The following ZNF703 variants were observed in gnomAD, a reference collection of about 807,000 sequenced individuals.
ZNF703 encodes NocA-like zinc finger 1.
A neutral mutation model predicts 30.7 loss-of-function variants in ZNF703; 18 were observed. The observed-to-expected ratio is 0.59, with a 90% CI of 0.40 to 0.87. The LOEUF (loss-of-function observed/expected upper bound fraction) is 0.87, where lower values mean the gene tolerates loss of function less well. ZNF703 is among the 40% of genes least tolerant of loss of function. The pLI, the probability that ZNF703 is intolerant of heterozygous loss-of-function variation, is 0.00. For missense variants in ZNF703, 814 were observed against 847.8 expected, an observed-to-expected ratio of 0.96 and a Z score of 0.50; for synonymous variants, 457 against 438.6, an observed-to-expected ratio of 1.04 and a Z score of -0.52.
At position 37,697,556 on chromosome 8, in the gene ZNF703, G is replaced by A; in HGVS notation, c.655G>A (p.Gly219Ser). Residue 219 changes from glycine to serine, a missense_variant, in exon 2 of 2, where the codon GGC becomes AGC. Physicochemically the swap from Gly to Ser is moderately conservative, Grantham distance 56. Coordinates refer to ENST00000331569, the MANE Select transcript of ZNF703 (RefSeq NM_025069.3). ...VSASSSSSSPGGSRGGSPHHS... is the reference protein window; with the variant it reads ...VSASSSSSSPSGSRGGSPHHS... Reference sequence around the variant, plus strand: ...CGCATCCTCGTCCTCGTCGTCGCCCGGCGGCTCCCGCGGCGGCTCCCCGCA... The same window carrying A: ...CGCATCCTCGTCCTCGTCGTCGCCCAGCGGCTCCCGCGGCGGCTCCCCGCA... 6.8e-7 allele frequency: 1 copy of A among 1,463,742 alleles called. No homozygotes were observed. The highest frequency in any genetic ancestry group is 9.0e-7 in the Non-Finnish European group (1 of 1,114,306). The allele number at this position is 1,463,742 out of a possible 1,614,324, so 90.7% of individuals were successfully genotyped here.
At position 37,696,936 on chromosome 8, in the gene ZNF703, G is replaced by T. The variant is rs1802076544; in HGVS notation, c.244-209G>T. Among the ~76,000 whole-genome samples the T allele has an allele frequency of 6.6e-6, 1 of 152,128 alleles. No homozygotes were observed. ...CAGGGGTCCTGGGTGAACTCCTTCCGCAGGGCCTGCGGCGCACCCCGGGAC... is the reference window on the plus strand; with the variant it reads ...CAGGGGTCCTGGGTGAACTCCTTCCTCAGGGCCTGCGGCGCACCCCGGGAC... On this transcript the variant is annotated intron_variant, in intron 1 of 1. Coordinates refer to ENST00000331569, the MANE Select transcript of ZNF703 (RefSeq NM_025069.3). This position sits in a 1 kb window ranked among gnomAD's most constrained non-coding sequence, Gnocchi z 8.2.
Position 37,696,042 on chromosome 8 carries a change from C to T in ZNF703, c.63C>T (p.Gly21=). 1 of 1,553,036 alleles carries T rather than the reference C, an allele frequency of 6.4e-7. No homozygotes were observed. The highest frequency in any genetic ancestry group is 2.4e-5 in the East Asian group (1 of 40,902). Residue 21 remains glycine, a synonymous_variant, in exon 1 of 2, where the codon GGC becomes GGT. Transcript: ENST00000331569. The surrounding 1 kb of genome is among the most constrained non-coding windows in gnomAD (Gnocchi z 8.2). ...CCGAAAGCAGCGGCAGCGGCAGCGG[C>T]GGCGGCGGGAAGAGGCCGGCGGTGC... The part of the protein sequence containing the change: ...RTPESSGSGS[G]GGGKRPAVPA...
Position 37,698,415 on chromosome 8 carries a change from GCGCCGCCGCCGCCGCCGC to G in ZNF703, c.1525_1542del (p.Ala509_Ala514del). 1.3e-6 allele frequency: 2 copies of G among 1,483,726 alleles called. No individual in the cohort carries two copies. The highest frequency in any genetic ancestry group is 8.9e-7 in the Non-Finnish European group (1 of 1,119,796). 91.9% of individuals were successfully genotyped at this position (1,483,726 alleles called of 1,614,324 possible). ...TACCCCGGGGCCTCGGGCCTGGGCA[GCGCCGCCGCCGCCGCCGC>G]CGCCGCCGCCTCCTGCCATCTGCAC... On this transcript the variant is annotated inframe_deletion, in exon 2 of 2. Transcript: ENST00000331569.
In ZNF703 at chr8:37,698,119, G is replaced by C; in HGVS notation, c.1218G>C (p.Gly406=). 1 of 1,482,272 alleles carries C rather than the reference G, an allele frequency of 6.7e-7. No homozygotes were observed. The highest frequency in any genetic ancestry group is 9.1e-7 in the Non-Finnish European group (1 of 1,103,656). 91.8% of individuals were successfully genotyped at this position (1,482,272 alleles called of 1,614,324 possible). A position where few individuals can be genotyped will look rare whatever the true frequency, so the allele number is the denominator to read the frequency against. ...CSTCSAHDPA[G]PSLKAGGYPL... ...CCTGCAGCGCGCACGACCCTGCCGG[G>C]CCCAGCCTGAAGGCGGGGGGCTACC... The change falls in exon 2 of 2, where the codon GGG becomes GGC. Residue 406 remains glycine, a synonymous_variant. Coordinates refer to ENST00000331569, the MANE Select transcript of ZNF703 (RefSeq NM_025069.3).
rs1802113085 is a variant in ZNF703, at chr8:37,698,416, C to T, written c.1515C>T (p.Ser505=). The change falls in exon 2 of 2, where the codon AGC becomes AGT. Residue 505 remains serine, a synonymous_variant. Transcript: ENST00000331569. ...ACCCCGGGGCCTCGGGCCTGGGCAG[C>T]GCCGCCGCCGCCGCCGCCGCCGCCG... The part of the protein sequence containing the change: ...AAYPGASGLG[S]AAAAAAAAAS... 7 of 1,432,394 alleles carry T rather than the reference C, an allele frequency of 4.9e-6. No individual in the cohort carries two copies. The South Asian group carries it at 8.9e-5, about 18-fold the overall frequency. The allele number at this position is 1,432,394 out of a possible 1,614,324, so 88.7% of individuals were successfully genotyped here.
chr8:37,695,801 G>C lies in ZNF703; in HGVS notation c.-179G>C, dbSNP rs1365423756. On this transcript the variant is annotated 5_prime_UTR_variant, in exon 1 of 2. Coordinates refer to ENST00000331569, the MANE Select transcript of ZNF703 (RefSeq NM_025069.3). ...GGCGAAGGTTTTTGTGTTGCTAGCC[G>C]GGGCCAGCGGCGGTGGCGGCGGCGG... The C allele has an allele frequency of 2.5e-5, 13 of 522,816 alleles. No homozygotes were observed. Among genetic ancestry groups the C allele is most frequent in the South Asian group, 3.4e-5 (1 of 29,324 alleles). The allele number at this position is 522,816 out of a possible 1,614,324, so 32.4% of individuals were successfully genotyped here. A position where few individuals can be genotyped will look rare whatever the true frequency, so the allele number is the denominator to read the frequency against.
chr8:37,698,094 C>A lies in ZNF703; in HGVS notation c.1193C>A (p.Thr398Asn), dbSNP rs780729368. Residue 398 changes from threonine to asparagine, a missense_variant, in exon 2 of 2, where the codon ACC becomes AAC. Transcript: ENST00000331569. ...ASHLGGSSCS[T>N]CSAHDPAGPS... ...CACCTCGGCGGCTCCAGCTGCTCCA[C>A]CTGCAGCGCGCACGACCCTGCCGGG... The A allele has an allele frequency of 2.0e-6, 3 of 1,537,458 alleles. No individual in the cohort carries two copies. The South Asian group carries it at 3.6e-5, about 18-fold the overall frequency.
rs1005907454 is a variant in ZNF703, at chr8:37,695,834, G to C, written c.-146G>C. On this transcript the variant is annotated 5_prime_UTR_variant, in exon 1 of 2. Coordinates refer to ENST00000331569, the MANE Select transcript of ZNF703 (RefSeq NM_025069.3). ...CGGCGGTGGCGGCGGCGGCGGAGGC[G>C]TCGGTGGAGGAGGGGAGGCGGCGAG... The C allele has an allele frequency of 1.5e-6, 1 of 678,608 alleles. No homozygotes were observed. Among genetic ancestry groups the C allele is most frequent in the Non-Finnish European group, 2.2e-6 (1 of 457,028 alleles). The allele number at this position is 678,608 out of a possible 1,614,324, so 42.0% of individuals were successfully genotyped here. A position where few individuals can be genotyped will look rare whatever the true frequency, so the allele number is the denominator to read the frequency against.
At position 37,696,034 on chromosome 8, in the gene ZNF703, G is replaced by GGCA; in HGVS notation, c.58_60dup (p.Ser20dup). On this transcript the variant is annotated inframe_insertion, in exon 1 of 2. Transcript: ENST00000331569. This position sits in a 1 kb window ranked among gnomAD's most constrained non-coding sequence, Gnocchi z 8.2. ...AAGGACACCCGAAAGCAGCGGCAGC[G>GGCA]GCAGCGGCGGCGGCGGGAAGAGGCC... The GGCA allele has an allele frequency of 6.4e-7, 1 of 1,555,752 alleles. No homozygotes were observed. Among genetic ancestry groups the GGCA allele is most frequent in the Non-Finnish European group, 8.7e-7 (1 of 1,150,376 alleles).
rs1169976208 is a variant in ZNF703, at chr8:37,698,453, C to G, written c.1552C>G (p.Leu518Val). Residue 518 changes from leucine to valine, a missense_variant, in exon 2 of 2, where the codon CTG (leucine) becomes GTG (valine). Leu to Val is a conservative substitution (Grantham distance 32). Transcript: ENST00000331569. Reference sequence around the variant, plus strand: ...CGCCGCCGCCGCCGCCTCCTGCCATCTGCACCTCCCCCCGCCCGCCGCCCC... The same window carrying G: ...CGCCGCCGCCGCCGCCTCCTGCCATGTGCACCTCCCCCCGCCCGCCGCCCC... ...AAAAAAASCHLHLPPPAAPGS... is the reference protein window; with the variant it reads ...AAAAAAASCHVHLPPPAAPGS... The G allele has an allele frequency of 1.3e-6, 2 of 1,492,350 alleles. No homozygotes were observed. Among genetic ancestry groups the G allele is most frequent in the Admixed American group, 4.9e-5 (2 of 40,944 alleles). The allele number at this position is 1,492,350 out of a possible 1,614,324, so 92.4% of individuals were successfully genotyped here.
Position 37,698,213 on chromosome 8 carries a change from C to T in ZNF703, c.1312C>T (p.Pro438Ser). The T allele has an allele frequency of 6.6e-7, 1 of 1,522,066 alleles. No individual in the cohort carries two copies. The highest frequency in any genetic ancestry group is 1.2e-5 in the South Asian group (1 of 82,456). The allele number at this position is 1,522,066 out of a possible 1,614,324, so 94.3% of individuals were successfully genotyped here. A position where few individuals can be genotyped will look rare whatever the true frequency, so the allele number is the denominator to read the frequency against. Residue 438 changes from proline (P) to serine (S), a missense_variant, in exon 2 of 2, where the codon CCC becomes TCC. Transcript: ENST00000331569. ...GTCCAGCGCCGCCCAGGCCGCGCTC[C>T]CCGGCCACCCGCTCTACACCTACGG... ...LSSSAAQAALPGHPLYTYGFM... is the reference protein window; with the variant it reads ...LSSSAAQAALSGHPLYTYGFM...
At position 37,698,871 on chromosome 8, in the gene ZNF703, C is replaced by A; in HGVS notation, c.*197C>A. ...GCTGGGAATATAAGTGCATTAACGG[C>A]CCACATGAGTCAATGGTATGCAAAA... On this transcript the variant is annotated 3_prime_UTR_variant, in exon 2 of 2. Transcript: ENST00000331569. 2.3e-6 allele frequency: 1 copy of A among 434,130 alleles called. No individual in the cohort carries two copies. The highest frequency in any genetic ancestry group is 3.9e-6 in the Non-Finnish European group (1 of 256,012). 26.9% of individuals were successfully genotyped at this position (434,130 alleles called of 1,614,324 possible). A position where few individuals can be genotyped will look rare whatever the true frequency, so the allele number is the denominator to read the frequency against.
Position 37,697,613 on chromosome 8 carries a change from G to A in ZNF703, c.712G>A (p.Gly238Ser). The A allele has an allele frequency of 7.0e-7, 1 of 1,419,370 alleles. No homozygotes were observed. The highest frequency in any genetic ancestry group is 9.1e-7 in the Non-Finnish European group (1 of 1,093,490). 87.9% of individuals were successfully genotyped at this position (1,419,370 alleles called of 1,614,324 possible). A position where few individuals can be genotyped will look rare whatever the true frequency, so the allele number is the denominator to read the frequency against. The change falls in exon 2 of 2, where the codon GGC (glycine) becomes AGC (serine). Residue 238 changes from glycine to serine, a missense_variant. Physicochemically the swap from Gly to Ser is moderately conservative, Grantham distance 56. Transcript: ENST00000331569. ...TGACTGCAAGAACGGCGGCGGGGTT[G>A]GCGGCGGGGAGCTGGACAAGAAAGA... ...HSDCKNGGGV[G>S]GGELDKKDQE...
At position 37,695,800 on chromosome 8, in the gene ZNF703, C is replaced by CG. The variant is rs1802055717; in HGVS notation, c.-176dup. 1.9e-6 allele frequency: 1 copy of CG among 522,524 alleles called. No individual in the cohort carries two copies. Among genetic ancestry groups the CG allele is most frequent in the African/African-American group, 2.0e-5 (1 of 49,406 alleles). 32.4% of individuals were successfully genotyped at this position (522,524 alleles called of 1,614,324 possible). On this transcript the variant is annotated 5_prime_UTR_variant, in exon 1 of 2. Transcript: ENST00000331569. ...AGGCGAAGGTTTTTGTGTTGCTAGC[C>CG]GGGGCCAGCGGCGGTGGCGGCGGCG...
At position 37,696,114 on chromosome 8, in the gene ZNF703, G is replaced by T; in HGVS notation, c.135G>T (p.Ala45=). The change falls in exon 1 of 2, where the codon GCG becomes GCT. Residue 45 remains alanine, a synonymous_variant. Transcript: ENST00000331569. The surrounding 1 kb of genome is among the most constrained non-coding windows in gnomAD (Gnocchi z 8.2). Reference sequence around the variant, plus strand: ...CACCGGCGGACCCCCTGCGCCAGGCGAACCGGCTCCCGATCAGGGTCCTGA... The same window carrying T: ...CACCGGCGGACCCCCTGCGCCAGGCTAACCGGCTCCCGATCAGGGTCCTGA... ...LLPPADPLRQ[A]NRLPIRVLKM... 6.2e-7 allele frequency: 1 copy of T among 1,607,990 alleles called. No homozygotes were observed. The highest frequency in any genetic ancestry group is 1.1e-5 in the South Asian group (1 of 90,318).
rs1424185651 is a variant in ZNF703 at position 37,698,128 on chromosome 8, G to A, written c.1227G>A (p.Leu409=). 3 of 1,483,688 alleles carry A rather than the reference G, an allele frequency of 2.0e-6. No homozygotes were observed. Among genetic ancestry groups the A allele is most frequent in the Non-Finnish European group, 2.7e-6 (3 of 1,105,600 alleles). The allele number at this position is 1,483,688 out of a possible 1,614,324, so 91.9% of individuals were successfully genotyped here. ...CSAHDPAGPS[L]KAGGYPLVYP... ...CGCACGACCCTGCCGGGCCCAGCCT[G>A]AAGGCGGGGGGCTACCCGCTGGTGT... The change falls in exon 2 of 2, where the codon CTG becomes CTA. Residue 409 remains leucine, a synonymous_variant. Transcript: ENST00000331569.
Position 37,697,938 on chromosome 8 carries a change from T to G in ZNF703, c.1037T>G (p.Leu346Arg). 1 of 1,555,880 alleles carries G rather than the reference T, an allele frequency of 6.4e-7. No homozygotes were observed. The highest frequency in any genetic ancestry group is 8.6e-7 in the Non-Finnish European group (1 of 1,157,246). ...PSKSGLVGGQ[L>R]SGGLGLPPGK... is the part of the protein sequence containing the mutation. ...AAGTCCGGCCTCGTGGGAGGCCAGC[T>G]GTCTGGGGGCCTGGGCCTGCCGCCG... The change falls in exon 2 of 2, where the codon CTG becomes CGG. Residue 346 changes from leucine (L) to arginine (R), a missense_variant. Physicochemically the swap from Leu to Arg is moderately radical, Grantham distance 102. Transcript: ENST00000331569.
chr8:37,695,903 GCCCACCC>G lies in ZNF703; in HGVS notation c.-76_-70del. On this transcript the variant is annotated 5_prime_UTR_variant, in exon 1 of 2. Transcript: ENST00000331569. ...CACCGCGATCGACGCTGCGGAGCGA[GCCCACCC>G]GCCCCGGGAGCTCGCCTCCCCGGTG... is the stretch of plus-strand genomic sequence containing the variant. 7.7e-7 allele frequency: 1 copy of G among 1,299,690 alleles called. No homozygotes were observed. Among genetic ancestry groups the G allele is most frequent in the East Asian group, 2.9e-5 (1 of 34,140 alleles). The allele number at this position is 1,299,690 out of a possible 1,614,324, so 80.5% of individuals were successfully genotyped here.
rs1802102505 is a variant in ZNF703, at chr8:37,698,008, C to G, written c.1107C>G (p.Pro369=). The change falls in exon 2 of 2, where the codon CCC becomes CCG. Residue 369 remains proline, a synonymous_variant. Coordinates refer to ENST00000331569, the MANE Select transcript of ZNF703 (RefSeq NM_025069.3). The part of the protein sequence containing the change: ...SSSPLTGASP[P]SFLQGLCRDP... ...GCCCGCTCACCGGGGCCTCCCCGCCCTCCTTCCTGCAGGGATTATGCCGCG... is the reference window on the plus strand; with the variant it reads ...GCCCGCTCACCGGGGCCTCCCCGCCGTCCTTCCTGCAGGGATTATGCCGCG... 6.4e-7 allele frequency: 1 copy of G among 1,557,364 alleles called. No homozygotes were observed. Among genetic ancestry groups the G allele is most frequent in the South Asian group, 1.2e-5 (1 of 85,540 alleles).
Sources: allele counts gnomAD v4.1 joint callset (sites outside exome capture counted in the v4.1 genomes callset), GRCh38; gene constraint gnomAD v4.1.1; non-coding constraint Gnocchi (gnomAD v3.1); transcripts MANE v1.5; gene names NCBI Gene and HGNC (gene_info 2026-07-23, HGNC 2026-07-21).